The following SGSM1 variants were observed in gnomAD, a reference collection of about 807,000 sequenced individuals.
SGSM1 encodes the protein RUN and TBC1 domain containing 2.
In SGSM1, 73 loss-of-function variants were observed where a neutral mutation model predicts 133.8. That is an observed-to-expected ratio of 0.55 (90% CI 0.45 to 0.66). The LOEUF (loss-of-function observed/expected upper bound fraction) is 0.66. Among genes scored for constraint, SGSM1 ranks in the 30% least tolerant of loss-of-function variants. The pLI is 0.00. For synonymous variants in SGSM1, 563 were observed against 573.0 expected, an observed-to-expected ratio of 0.98 and a Z score of 0.25; for missense variants, 1,213 against 1,448.1, an observed-to-expected ratio of 0.84 and a Z score of 2.64.
intron 4 of SGSM1, 38 bp from the exon 5 acceptor site, chr22:24,850,242 T>C: frequency 6.5e-7 from 1 of 1,534,472 alleles, no homozygotes; most frequent in Non-Finnish European, 8.8e-7. Context: ...AGATTTGCTC[T>C]TGTGAGTATC....
chr22:24,911,284 C>A (rs930815887), intron 21 of SGSM1, among the ~76,000 whole-genome samples: 2 of 129,310 alleles, frequency 1.5e-5, no homozygotes, highest in Non-Finnish European at 3.2e-5. Context: ...GAGCATAATT[C>A]CCCACTTTTT....
At chr22:24,895,772 AT>A (rs1375175449) in intron 18 of SGSM1, among the ~76,000 whole-genome samples, 1 of 152,202 alleles carries the variant, frequency 6.6e-6, no homozygotes, top group Non-Finnish European at 1.5e-5. Context: ...CTGGCTGGGC[AT>A]GGTAGTTCAC....
At chr22:24,901,058 T>C (rs192718888) in intron 19 of SGSM1, 1 of 152,346 alleles carries the variant, frequency 6.6e-6, no homozygotes, top group East Asian at 1.9e-4. Context: ...CAAACCTGAC[T>C]TGTGGCTCTT....
chr22:24,903,722 C>T (rs1017104899), intron 20 of SGSM1, among the ~76,000 whole-genome samples: 2 of 151,894 alleles, frequency 1.3e-5, no homozygotes, highest in African/African-American at 4.8e-5. Context: ...CTGGGCACGG[C>T]GGCTCATGGG....
chr22:24,826,793 C>T (rs1211943746), intron 2 of SGSM1, among the ~76,000 whole-genome samples: 1 of 152,052 alleles, frequency 6.6e-6, no homozygotes, highest in African/African-American at 2.4e-5. Flanking sequence ...CTGGGGGCTA[C>T]CTCTTTTCCA....
chr22:24,872,812 G>A (rs941468464), intron 12 of SGSM1, among the ~76,000 whole-genome samples: 1 of 152,062 alleles, frequency 6.6e-6, no homozygotes, highest in Non-Finnish European at 1.5e-5. Context: ...CCAGTTACTC[G>A]GGAGGCTGAG....
intron 5 of SGSM1, among the ~76,000 whole-genome samples, chr22:24,852,692 C>G (rs960626515): frequency 1.3e-5 from 2 of 152,168 alleles, no homozygotes; most frequent in African/African-American, 4.8e-5. Flanking sequence ...ATGCTCCCAC[C>G]TTGGCCTCCC....
At chr22:24,888,938 C>T (rs958279311) in intron 16 of SGSM1, among the ~76,000 whole-genome samples, 8 of 79,952 alleles carry the variant, frequency 1.0e-4, no homozygotes, top group Non-Finnish European at 1.3e-4. Flanking sequence ...TCATAGTCAC[C>T]TTTTTTTTTT....
intron 4 of SGSM1, among the ~76,000 whole-genome samples, chr22:24,849,296 G>A (rs537552241): frequency 6.6e-6 from 1 of 151,586 alleles, no homozygotes. Flanking sequence ...GCTCATGCCT[G>A]TAGTCCCAGC....
At chr22:24,847,166 G>C (rs1182479597) in intron 3 of SGSM1, among the ~76,000 whole-genome samples, 1 of 152,072 alleles carries the variant, frequency 6.6e-6, no homozygotes, top group East Asian at 1.9e-4. Flanking sequence ...CCTGGCCCGA[G>C]ATTAGGCAAT....
At position 24,855,277 on chromosome 22, in the gene SGSM1, C is replaced by A; in HGVS notation, c.524-8C>A. 1 of 1,607,180 alleles carries A rather than the reference C, an allele frequency of 6.2e-7. No homozygotes were observed. Among genetic ancestry groups the A allele is most frequent in the Non-Finnish European group, 8.5e-7 (1 of 1,176,728 alleles). ...GCAGTGGGTTTCCAGCCCCCACATGCCCCTCAGTGGGGCCCTGTGCCCTAG... is the reference window on the plus strand; with the variant it reads ...GCAGTGGGTTTCCAGCCCCCACATGACCCTCAGTGGGGCCCTGTGCCCTAG... On this transcript the variant is annotated splice_region_variant and splice_polypyrimidine_tract_variant and intron_variant, in intron 6 of 24. Coordinates refer to ENST00000400358, the MANE Select transcript of SGSM1 (RefSeq NM_001098497.3).
At position 24,895,220 on chromosome 22, in the gene SGSM1, C is replaced by T. The variant is rs1259657125; in HGVS notation, c.1954-3C>T. 6.2e-7 allele frequency: 1 copy of T among 1,605,944 alleles called. No individual in the cohort carries two copies. ...CCCTCCCTCCTGCTCTTTCTTTTCTCAGTCCTCCCAGAGCTGCAGTTCGGG... is the reference window on the plus strand; with the variant it reads ...CCCTCCCTCCTGCTCTTTCTTTTCTTAGTCCTCCCAGAGCTGCAGTTCGGG... On this transcript the variant is annotated splice_polypyrimidine_tract_variant and splice_region_variant and intron_variant, in intron 17 of 24. Coordinates refer to ENST00000400358, the MANE Select transcript of SGSM1 (RefSeq NM_001098497.3).
At chr22:24,902,174 T>G (rs753174274) in intron 20 of SGSM1, among the ~76,000 whole-genome samples, 8 of 152,228 alleles carry the variant, frequency 5.3e-5, no homozygotes, top group Non-Finnish European at 1.2e-4. Flanking sequence ...GCCTGTACTA[T>G]CATCGCTCAC....
At chr22:24,913,872 T>C (rs886787592) in intron 22 of SGSM1, among the ~76,000 whole-genome samples, 15 of 148,988 alleles carry the variant, frequency 1.0e-4, no homozygotes, top group African/African-American at 3.5e-4. Context: ...AATACAAACA[T>C]TGGCCGGGGT....
chr22:24,906,024 C>G (rs1481099023), intron 21 of SGSM1, among the ~76,000 whole-genome samples: 1 of 151,832 alleles, frequency 6.6e-6, no homozygotes, highest in Non-Finnish European at 1.5e-5. Context: ...AACAAAATAC[C>G]AATAAACTTA....
intron 2 of SGSM1, among the ~76,000 whole-genome samples, chr22:24,824,584 T>C (rs1928691154): frequency 7.0e-6 from 1 of 142,320 alleles, no homozygotes; most frequent in Non-Finnish European, 1.5e-5. Context: ...GCTCTTTCCA[T>C]AGGCTGTTTC....
At chr22:24,850,183 A>AT in intron 4 of SGSM1, 97 bp from the exon 5 acceptor site, 1 of 1,294,238 alleles carries the variant, frequency 7.7e-7, no homozygotes, top group South Asian at 1.5e-5. Context: ...CCATTCCTTC[A>AT]TTTTCCTGAG....
rs758631851 is a variant in SGSM1, at chr22:24,839,932, C to CTTTT, written c.64-4948_64-4945dup. Among the ~76,000 whole-genome samples the CTTTT allele has an allele frequency of 1.1e-3, 114 of 106,452 alleles. 2 individuals are homozygous for CTTTT. Among genetic ancestry groups the CTTTT allele is most frequent in the Admixed American group, 2.4e-3 (20 of 8,498 alleles). The allele number at this position is 106,452 out of a possible 152,430, so 69.8% of individuals were successfully genotyped here. Reference sequence around the variant, plus strand: ...TCGATCTTTTGGACAAACCATCTCTCTTTTTTTTTTTTTTTTTTTTGAGAT... The same window carrying CTTTT: ...TCGATCTTTTGGACAAACCATCTCTCTTTTTTTTTTTTTTTTTTTTTTTTGAGAT... On this transcript the variant is annotated intron_variant, in intron 2 of 24. Coordinates refer to ENST00000400358, the MANE Select transcript of SGSM1 (RefSeq NM_001098497.3).
rs572225306 is a variant in SGSM1, at chr22:24,857,037, G to T, written c.801+1357G>T. ...CCCGCTTTGGCCTCCCAAAGTGCTG[G>T]GATTACAGGCGTGAGCCACTGCACC... On this transcript the variant is annotated intron_variant, in intron 8 of 24. Transcript: ENST00000400358. Among the ~76,000 whole-genome samples the T allele has an allele frequency of 6.2e-4, 94 of 151,656 alleles. No homozygotes were observed. The South Asian group carries it at 8.3e-3, about 13-fold the overall frequency.
Sources: allele counts gnomAD v4.1 joint callset (sites outside exome capture counted in the v4.1 genomes callset), GRCh38; gene constraint gnomAD v4.1.1; transcripts MANE v1.5; gene names NCBI Gene and HGNC (gene_info 2026-07-23, HGNC 2026-07-21).